EXOC4: variants seen among roughly 807,000 people sequenced by gnomAD.
The protein encoded by EXOC4 is exocyst complex component 4, also known as SEC8-like 1.
A neutral mutation model predicts 107.2 loss-of-function variants in EXOC4; 71 were observed. The ratio of observed to expected loss-of-function variants is 0.66; its 90% CI spans 0.55 to 0.81. The LOEUF (loss-of-function observed/expected upper bound fraction) is 0.81. EXOC4 is among the 30% of genes least tolerant of loss of function. The probability of loss-of-function intolerance (pLI) is 0.00; values close to 1 mark genes in which losing one functional copy is unlikely to be tolerated. For synonymous variants in EXOC4, 456 were observed against 441.2 expected, an observed-to-expected ratio of 1.03 and a Z score of -0.42; for missense variants, 1,108 against 1,189.6, an observed-to-expected ratio of 0.93 and a Z score of 1.01.
chr7:133,422,784 GA>G (rs944312131), intron 7 of EXOC4, among the ~76,000 whole-genome samples: 8 of 151,930 alleles, frequency 5.3e-5, no homozygotes, highest in South Asian at 4.2e-4. Context: ...TTTAATAATA[GA>G]AAAAAAATCT....
intron 4 of EXOC4, among the ~76,000 whole-genome samples, chr7:133,310,696 C>T (rs1258722484): frequency 2.6e-5 from 4 of 152,150 alleles, no homozygotes; most frequent in Non-Finnish European, 5.9e-5. Context: ...GGCACCATGC[C>T]CACAATAGCT....
At chr7:133,257,420 T>G in intron 1 of EXOC4, among the ~76,000 whole-genome samples, 1 of 152,154 alleles carries the variant, frequency 6.6e-6, no homozygotes, top group African/African-American at 2.4e-5. Context: ...TTTCTGTTGA[T>G]TTCCTTTGCC....
At chr7:133,687,915 A>G (rs1358600029) in intron 10 of EXOC4, among the ~76,000 whole-genome samples, 8 of 152,196 alleles carry the variant, frequency 5.3e-5, no homozygotes, top group Admixed American at 5.2e-4. Context: ...ATTTAACATA[A>G]ATATTTTCAT....
chr7:133,707,533 G>T (rs1488899928), intron 10 of EXOC4, among the ~76,000 whole-genome samples: 1 of 151,906 alleles, frequency 6.6e-6, no homozygotes, highest in Non-Finnish European at 1.5e-5. Flanking sequence ...TTCTATTTTA[G>T]TGTAGATTTT....
intron 9 of EXOC4, among the ~76,000 whole-genome samples, chr7:133,627,943 G>A (rs1213550659): frequency 6.6e-6 from 1 of 152,152 alleles, no homozygotes; most frequent in Admixed American, 6.6e-5. Flanking sequence ...CCAGGGTATG[G>A]ATTTCTGAAG....
At chr7:133,911,127 C>A (rs1213083386) in intron 12 of EXOC4, among the ~76,000 whole-genome samples, 1 of 152,166 alleles carries the variant, frequency 6.6e-6, no homozygotes, top group Non-Finnish European at 1.5e-5. Flanking sequence ...GAAACAGATA[C>A]AAATAGTTAC....
chr7:133,825,992 G>T (rs1235967750), intron 11 of EXOC4, among the ~76,000 whole-genome samples: 2 of 152,056 alleles, frequency 1.3e-5, no homozygotes, highest in African/African-American at 4.8e-5. Flanking sequence ...TCATAGTTTT[G>T]ATTTTCTTTG....
chr7:133,424,122 A>G (rs1797667690), intron 7 of EXOC4, among the ~76,000 whole-genome samples: 2 of 152,198 alleles, frequency 1.3e-5, no homozygotes, highest in Non-Finnish European at 2.9e-5. Flanking sequence ...GTGGGGCCAG[A>G]TTAGGGAATA....
At chr7:133,745,770 G>C (rs1253489962) in intron 10 of EXOC4, among the ~76,000 whole-genome samples, 4 of 132,580 alleles carry the variant, frequency 3.0e-5, no homozygotes, top group Non-Finnish European at 6.3e-5. Context: ...TTATAGTATT[G>C]GTCTATTTAG....
chr7:134,053,323 C>G (rs1014755848), intron 17 of EXOC4, among the ~76,000 whole-genome samples: 1 of 151,910 alleles, frequency 6.6e-6, no homozygotes, highest in African/African-American at 2.4e-5. Context: ...TGTTTATGTA[C>G]TAAATGCTTC....
intron 10 of EXOC4, among the ~76,000 whole-genome samples, chr7:133,686,805 CT>C (rs1299257732): frequency 6.6e-6 from 1 of 152,024 alleles, no homozygotes; most frequent in Non-Finnish European, 1.5e-5. Context: ...GTAGAGATTC[CT>C]TAAAGAACTA....
chr7:133,706,452 T>A (rs1794770995), intron 10 of EXOC4, among the ~76,000 whole-genome samples: 1 of 152,226 alleles, frequency 6.6e-6, no homozygotes, highest in Non-Finnish European at 1.5e-5. Flanking sequence ...AGACATGGCT[T>A]TTGGTTGACT....
At chr7:134,004,538 A>G (rs1014718387) in intron 15 of EXOC4, among the ~76,000 whole-genome samples, 4 of 152,214 alleles carry the variant, frequency 2.6e-5, no homozygotes, top group African/African-American at 9.6e-5. Flanking sequence ...TGCTTTTCAC[A>G]GTATGCCTAC....
rs572732559 is a variant in EXOC4, at chr7:133,292,669, G to A, written c.471+3553G>A. Among the ~76,000 whole-genome samples the A allele has an allele frequency of 9.9e-5, 15 of 152,218 alleles. No homozygotes were observed. In the East Asian group the frequency reaches 1.9e-3, roughly 20 times the overall value. On this transcript the variant is annotated intron_variant, in intron 3 of 17. Transcript: ENST00000253861. ...TCTGAATGTCCCAGATATTCAGATA[G>A]CTAGGTGCTTTTCTTTATGTTTCCA...
At chr7:133,927,905 A>C (rs1195362841) in intron 13 of EXOC4, among the ~76,000 whole-genome samples, 2 of 152,170 alleles carry the variant, frequency 1.3e-5, no homozygotes, top group African/African-American at 4.8e-5. Context: ...TGATTGAATT[A>C]GGCATTTTGT....
chr7:133,761,095 CAA>C (rs371989339), intron 10 of EXOC4, among the ~76,000 whole-genome samples: 3 of 152,248 alleles, frequency 2.0e-5, no homozygotes, highest in African/African-American at 7.2e-5. Context: ...TTAGTATTAA[CAA>C]TAAATCTACT....
chr7:134,082,247 G>A, the EXOC4 span, among the ~76,000 whole-genome samples: 6 of 152,206 alleles, frequency 3.9e-5, no homozygotes, highest in East Asian at 1.2e-3. Context: ...AGTTTTCTTG[G>A]AAAGGATGGG....
chr7:133,339,035 A>C (rs1182603056), intron 5 of EXOC4, among the ~76,000 whole-genome samples: 1 of 152,156 alleles, frequency 6.6e-6, no homozygotes, highest in Non-Finnish European at 1.5e-5. Context: ...TACAGGCGTG[A>C]GCCACTGTGC....
chr7:133,690,096 C>T (rs1369803501), intron 10 of EXOC4, among the ~76,000 whole-genome samples: 1 of 152,156 alleles, frequency 6.6e-6, no homozygotes, highest in East Asian at 1.9e-4. Flanking sequence ...TATCATCTCT[C>T]TCCTGGTTCC....
Sources: gnomAD v4.1 joint callset for allele counts (sites outside exome capture counted in the v4.1 genomes callset) on GRCh38, gnomAD v4.1.1 for gene constraint, MANE v1.5 for transcripts, NCBI Gene and HGNC (gene_info 2026-07-23, HGNC 2026-07-21) for gene names.